The following LPP variants were observed in gnomAD, a reference collection of about 807,000 sequenced individuals.
The protein encoded by LPP is LIM domain containing preferred translocation partner in lipoma.
In LPP, 38 loss-of-function variants were observed where a neutral mutation model predicts 60.4. That is an observed-to-expected ratio of 0.63 (90% CI 0.49 to 0.83). The LOEUF is 0.83. LPP is among the 40% of genes least tolerant of loss of function. The pLI, the probability that LPP is intolerant of heterozygous loss-of-function variation, is 0.00. For synonymous variants in LPP, 328 were observed against 290.8 expected, an observed-to-expected ratio of 1.13 and a Z score of -1.30; for missense variants, 902 against 783.6, an observed-to-expected ratio of 1.15 and a Z score of -1.80.
intron 4 of LPP, among the ~76,000 whole-genome samples, chr3:188,442,440 A>G (rs1170323344): frequency 2.6e-5 from 4 of 152,168 alleles, no homozygotes; most frequent in Non-Finnish European, 1.5e-5. Context: ...AATTCAACTT[A>G]ATGAAATGTT....
intron 2 of LPP, among the ~76,000 whole-genome samples, chr3:188,311,787 C>T (rs1578026877): frequency 6.6e-6 from 1 of 151,890 alleles, no homozygotes; most frequent in Non-Finnish European, 1.5e-5. Context: ...TACAGGCACC[C>T]GCTGCTATGC....
At chr3:188,873,738 G>A (rs1382726422) in intron 11 of LPP, among the ~76,000 whole-genome samples, 1 of 152,092 alleles carries the variant, frequency 6.6e-6, no homozygotes, top group East Asian at 1.9e-4. Flanking sequence ...CTGTCCCCTG[G>A]ACTAGCAATC....
chr3:188,638,881 G>A (rs1849427698), intron 7 of LPP, among the ~76,000 whole-genome samples: 1 of 151,926 alleles, frequency 6.6e-6, no homozygotes, highest in Non-Finnish European at 1.5e-5. Context: ...CAAACAAATG[G>A]AAGAACATTC....
intron 1 of LPP, among the ~76,000 whole-genome samples, chr3:188,160,736 A>G (rs1000837575): frequency 3.9e-5 from 6 of 152,244 alleles, no homozygotes; most frequent in African/African-American, 1.4e-4. Flanking sequence ...TATGCCAGGC[A>G]GAAATGCTAG....
At chr3:188,378,442 C>T (rs11718576) in intron 3 of LPP, among the ~76,000 whole-genome samples, 51,890 of 152,010 alleles carry the variant, frequency 0.34, 10,637 homozygotes, top group Middle Eastern at 0.61. Flanking sequence ...CTCACTGCCG[C>T]CTTGTTGTTT....
intron 9 of LPP, among the ~76,000 whole-genome samples, chr3:188,779,019 G>A (rs1366539808): frequency 6.6e-6 from 1 of 151,894 alleles, no homozygotes; most frequent in Non-Finnish European, 1.5e-5. Context: ...CTGTCAGCAT[G>A]GTATTTCAAA....
chr3:188,846,172 T>C (rs1173430006), intron 9 of LPP, among the ~76,000 whole-genome samples: 1 of 152,140 alleles, frequency 6.6e-6, no homozygotes, highest in African/African-American at 2.4e-5. Context: ...CAAGCACGTA[T>C]ACAAAACCAG....
At chr3:188,853,119 C>T (rs541817617) in intron 9 of LPP, among the ~76,000 whole-genome samples, 1 of 151,350 alleles carries the variant, frequency 6.6e-6, no homozygotes, top group East Asian at 1.9e-4. Context: ...CAGTGCACTA[C>T]AGACTGGGCA....
Position 188,702,340 on chromosome 3 carries a change from C to CTT in LPP, c.1114-5914_1114-5913dup, listed in dbSNP as rs111321221. Among the ~76,000 whole-genome samples the CTT allele has an allele frequency of 4.7e-3, 562 of 118,926 alleles. 2 individuals are homozygous for CTT. The highest frequency in any genetic ancestry group is 6.5e-3 in the Non-Finnish European group (327 of 49,958). 78.0% of individuals were successfully genotyped at this position (118,926 alleles called of 152,430 possible). Reference sequence around the variant, plus strand: ...CCTTCTTTCTTTTCTTCTTCTTCTTCTTTTTTTTTTTTTTCCGGCTGTTGT... The same window carrying CTT: ...CCTTCTTTCTTTTCTTCTTCTTCTTCTTTTTTTTTTTTTTTTCCGGCTGTTGT... On this transcript the variant is annotated intron_variant, in intron 7 of 11. Transcript: ENST00000617246.
At chr3:188,453,451 G>A (rs1797046073) in intron 4 of LPP, among the ~76,000 whole-genome samples, 1 of 152,060 alleles carries the variant, frequency 6.6e-6, no homozygotes, top group South Asian at 2.1e-4. Context: ...AATCTTGAAT[G>A]TGTTCACAAT....
At chr3:188,400,248 C>G (rs1781926808) in intron 3 of LPP, among the ~76,000 whole-genome samples, 1 of 152,180 alleles carries the variant, frequency 6.6e-6, no homozygotes, top group Non-Finnish European at 1.5e-5. Flanking sequence ...TTCCTTTCTT[C>G]TCCAAATAGG....
chr3:188,760,108 TCCAGGCCG>T lies in LPP; in HGVS notation c.1241-3_1245del, dbSNP rs1577385100. 1 of 1,613,658 alleles carries T rather than the reference TCCAGGCCG, an allele frequency of 6.2e-7. No individual in the cohort carries two copies. Among genetic ancestry groups the T allele is most frequent in the Admixed American group, 1.7e-5 (1 of 59,956 alleles). On this transcript the variant is annotated splice_acceptor_variant and splice_polypyrimidine_tract_variant and coding_sequence_variant and intron_variant, in exon 9 of 12. Transcript: ENST00000617246. LOFTEE classifies it high-confidence loss of function. ...TGTGTTCTTATCAAACCCTTTTTTT[TCCAGGCCG>T]CTGTGCTCGCTGTGGAGAAAACGTA...
At chr3:188,235,239 G>A (rs1005046198) in intron 2 of LPP, among the ~76,000 whole-genome samples, 1 of 152,214 alleles carries the variant, frequency 6.6e-6, no homozygotes, top group Admixed American at 6.5e-5. Flanking sequence ...CTCTGGAAGA[G>A]TTCTGGCAGC....
chr3:188,379,933 A>G (rs1776409342), intron 3 of LPP, among the ~76,000 whole-genome samples: 1 of 152,190 alleles, frequency 6.6e-6, no homozygotes, highest in Non-Finnish European at 1.5e-5. Context: ...ACAGGAATTG[A>G]AGTTAGAAAT....
At chr3:188,513,694 A>G (rs557655049) in intron 5 of LPP, among the ~76,000 whole-genome samples, 1 of 152,210 alleles carries the variant, frequency 6.6e-6, no homozygotes, top group African/African-American at 2.4e-5. Flanking sequence ...GTAGGTAAAT[A>G]TTGTGAAAAG....
chr3:188,186,340 G>T (rs2148953383), intron 1 of LPP, among the ~76,000 whole-genome samples: 1 of 152,286 alleles, frequency 6.6e-6, no homozygotes, highest in South Asian at 2.1e-4. Context: ...AGGGCACAGA[G>T]TGTTGAAAAT....
intron 7 of LPP, among the ~76,000 whole-genome samples, chr3:188,687,775 C>CTTTTTTTTTTTTTTTTTTTTTTT (rs61574227): frequency 7.9e-6 from 1 of 127,124 alleles, no homozygotes; most frequent in Non-Finnish European, 1.6e-5. Flanking sequence ...GTCTTATACT[C>CTTTTTTTTTTTTTTTTTTTTTTT]TTTTTTTTTT....
chr3:188,376,292 G>A (rs1275084519), intron 3 of LPP, among the ~76,000 whole-genome samples: 2 of 151,590 alleles, frequency 1.3e-5, no homozygotes, highest in African/African-American at 2.4e-5. Flanking sequence ...TCTGTCTAAT[G>A]TTGACAGTGG....
chr3:188,459,446 A>G (rs1579061989), intron 4 of LPP, among the ~76,000 whole-genome samples: 1 of 152,224 alleles, frequency 6.6e-6, no homozygotes, highest in South Asian at 2.1e-4. Flanking sequence ...AGTTCTTGGT[A>G]TCACAGCACA....
Sources: allele counts gnomAD v4.1 joint callset (sites outside exome capture counted in the v4.1 genomes callset), GRCh38; gene constraint gnomAD v4.1.1; transcripts MANE v1.5; gene names NCBI Gene and HGNC (gene_info 2026-07-23, HGNC 2026-07-21).